The following HEMK2 variants were observed in gnomAD, a reference collection of about 807,000 sequenced individuals.
HEMK2 encodes the protein HemK methyltransferase 2, ETF1 glutamine and histone H4 lysine, also known as methyltransferase HEMK2.
the HEMK2 span, among the ~76,000 whole-genome samples, chr21:28,830,806 G>A: frequency 6.7e-6 from 1 of 150,362 alleles, no homozygotes; most frequent in African/African-American, 2.5e-5. Flanking sequence ...GAACCCAGGA[G>A]GAGGAAGTTG....
chr21:28,823,250 T>C, the HEMK2 span, among the ~76,000 whole-genome samples: 1 of 152,192 alleles, frequency 6.6e-6, no homozygotes, highest in Non-Finnish European at 1.5e-5. Flanking sequence ...TTGACAGTTT[T>C]ATATCCAAGG....
chr21:28,871,896 C>G, the HEMK2 span, among the ~76,000 whole-genome samples: 2 of 151,584 alleles, frequency 1.3e-5, no homozygotes, highest in Non-Finnish European at 2.9e-5. Flanking sequence ...CCCTATGTCT[C>G]TGTTTCTGTG....
At chr21:28,814,430 T>C in the HEMK2 span, among the ~76,000 whole-genome samples, 4 of 150,802 alleles carry the variant, frequency 2.7e-5, no homozygotes, top group Non-Finnish European at 5.9e-5. Context: ...GAAACTACCA[T>C]CAGAGTGAAC....
At chr21:28,672,021 T>C in the HEMK2 span, among the ~76,000 whole-genome samples, 1 of 152,188 alleles carries the variant, frequency 6.6e-6, no homozygotes, top group African/African-American at 2.4e-5. Context: ...ACATGACCAG[T>C]CATAGGCAAG....
At chr21:28,832,830 G>A in the HEMK2 span, among the ~76,000 whole-genome samples, 2 of 152,228 alleles carry the variant, frequency 1.3e-5, no homozygotes, top group Middle Eastern at 3.2e-3. Context: ...GATGAACTGA[G>A]TGCCTGCTCT....
At chr21:28,708,150 A>G in the HEMK2 span, among the ~76,000 whole-genome samples, 1 of 152,152 alleles carries the variant, frequency 6.6e-6, no homozygotes, top group Non-Finnish European at 1.5e-5. Flanking sequence ...TGTTTAAATA[A>G]CATTAATGCA....
At chr21:28,617,989 T>C in the HEMK2 span, among the ~76,000 whole-genome samples, 8 of 152,256 alleles carry the variant, frequency 5.3e-5, no homozygotes, top group East Asian at 1.5e-3. Flanking sequence ...AGTTTCACTA[T>C]GTTGCCCAGG....
At chr21:28,736,790 A>G in the HEMK2 span, among the ~76,000 whole-genome samples, 2 of 130,946 alleles carry the variant, frequency 1.5e-5, no homozygotes, top group African/African-American at 6.3e-5. Context: ...ATTTGGATAC[A>G]ATTAAAAAAA....
At chr21:28,669,252 G>C in the HEMK2 span, among the ~76,000 whole-genome samples, 1 of 152,088 alleles carries the variant, frequency 6.6e-6, no homozygotes, top group Non-Finnish European at 1.5e-5. Flanking sequence ...CTAGCAACTC[G>C]GGAGGGTGAA....
the HEMK2 span, among the ~76,000 whole-genome samples, chr21:28,613,960 G>A: frequency 6.6e-6 from 1 of 152,008 alleles, no homozygotes; most frequent in Non-Finnish European, 1.5e-5. Flanking sequence ...CGGTTCAAGT[G>A]CAGTGCTATG....
At chr21:28,873,313 T>C in the HEMK2 span, 1 of 152,226 alleles carries the variant, frequency 6.6e-6, no homozygotes, top group African/African-American at 2.4e-5. Flanking sequence ...ATGCATCTTA[T>C]GTTACAGAAT....
chr21:28,784,082 C>T, the HEMK2 span, among the ~76,000 whole-genome samples: 13 of 152,326 alleles, frequency 8.5e-5, no homozygotes, highest in African/African-American at 2.6e-4. Flanking sequence ...CCCCGACGAG[C>T]GCCATCCCCC....
the HEMK2 span, among the ~76,000 whole-genome samples, chr21:28,703,537 A>G: frequency 3.3e-4 from 50 of 152,244 alleles, no homozygotes; most frequent in Non-Finnish European, 6.8e-4. Context: ...TGTTACTGAC[A>G]TTGTATTATG....
the HEMK2 span, among the ~76,000 whole-genome samples, chr21:28,750,387 C>T: frequency 6.6e-6 from 1 of 152,078 alleles, no homozygotes; most frequent in African/African-American, 2.4e-5. Flanking sequence ...CTAGGCCAAA[C>T]CCATTTCACA....
the HEMK2 span, among the ~76,000 whole-genome samples, chr21:28,797,403 C>T: frequency 6.9e-6 from 1 of 144,546 alleles, no homozygotes; most frequent in Non-Finnish European, 1.5e-5. Context: ...GGAGCCCATC[C>T]AAGGCAACAT....
chr21:28,665,246 C>T, the HEMK2 span, among the ~76,000 whole-genome samples: 28 of 150,324 alleles, frequency 1.9e-4, no homozygotes, highest in African/African-American at 5.9e-4. Flanking sequence ...GCACTCCAGC[C>T]TGGGTGACAG....
chr21:28,876,560 A>G, the HEMK2 span: 1 of 916,136 alleles, frequency 1.1e-6, no homozygotes, highest in Non-Finnish European at 1.7e-6. Flanking sequence ...TAAGCAATTT[A>G]ATAAGTTAAA....
chr21:28,650,277 A>G, the HEMK2 span, among the ~76,000 whole-genome samples: 1 of 151,998 alleles, frequency 6.6e-6, no homozygotes, highest in African/African-American at 2.4e-5. Context: ...TGCCTGTAAT[A>G]GCAGCTACCT....
the HEMK2 span, among the ~76,000 whole-genome samples, chr21:28,808,411 CA>C: frequency 2.3e-3 from 298 of 126,830 alleles, no homozygotes; most frequent in Middle Eastern, 4.1e-3. Flanking sequence ...TCTACCCTTC[CA>C]AAAAAAAAAA....
Sources: allele counts gnomAD v4.1 joint callset (sites outside exome capture counted in the v4.1 genomes callset), GRCh38; gene constraint gnomAD v4.1.1; transcripts MANE v1.5; gene names NCBI Gene and HGNC (gene_info 2026-07-23, HGNC 2026-07-21).